SCUBE3: variants seen among roughly 807,000 people sequenced by gnomAD.
SCUBE3 encodes signal peptide, CUB domain and EGF like domain containing 3, also known as signal peptide, CUB and EGF-like domain-containing protein 3.
In SCUBE3, 33 loss-of-function variants were observed where a neutral mutation model predicts 116.8. The ratio of observed to expected loss-of-function variants is 0.28; its 90% confidence interval spans 0.21 to 0.38. The LOEUF is 0.38. Among genes scored for constraint, SCUBE3 ranks in the 10% least tolerant of loss-of-function variants. SCUBE3 has a pLI of 1.00. For synonymous variants in SCUBE3, 418 were observed against 496.9 expected (o/e 0.84, Z 2.11); for missense variants, 1,007 against 1,324.8 (o/e 0.76, Z 3.72).
At chr6:35,217,454 T>C (rs1782966169) in intron 1 of SCUBE3, among the ~76,000 whole-genome samples, 1 of 151,526 alleles carries the variant, frequency 6.6e-6, no homozygotes, top group Non-Finnish European at 1.5e-5. Flanking sequence ...GTCATGCATT[T>C]AGAATTTCCA....
At position 35,240,231 on chromosome 6, in the gene SCUBE3, A is replaced by C; in HGVS notation, c.953-143A>C. 1 of 551,470 alleles carries C rather than the reference A, an allele frequency of 1.8e-6. No homozygotes were observed. The highest frequency in any genetic ancestry group is 3.2e-6 in the Non-Finnish European group (1 of 314,502). The allele number at this position is 551,470 out of a possible 1,614,324, so 34.2% of individuals were successfully genotyped here. ...CAGAGAAGATGGAATGGCATTGTTA[A>C]ATCACTGGTCCTAGAGCTAGGACAT... On this transcript the variant is annotated intron_variant, in intron 8 of 21. Coordinates refer to ENST00000274938, the MANE Select transcript of SCUBE3 (RefSeq NM_152753.4). The surrounding 1 kb of genome is among the most constrained non-coding windows in gnomAD (Gnocchi z 4.6).
rs1784459070 is a variant in SCUBE3, at chr6:35,248,951, G to C, written c.*246G>C. ...TACCTAGAAAAGCCATTCAGTACTGGCTCTAGTCCCCGTGAGATGTAAAGA... is the reference window on the plus strand; with the variant it reads ...TACCTAGAAAAGCCATTCAGTACTGCCTCTAGTCCCCGTGAGATGTAAAGA... On this transcript the variant is annotated 3_prime_UTR_variant, in exon 22 of 22. Coordinates refer to ENST00000274938, the MANE Select transcript of SCUBE3 (RefSeq NM_152753.4). The C allele has an allele frequency of 1.9e-6, 1 of 517,398 alleles. No individual in the cohort carries two copies. Among genetic ancestry groups the C allele is most frequent in the Non-Finnish European group, 3.4e-6 (1 of 291,516 alleles). 32.1% of individuals were successfully genotyped at this position (517,398 alleles called of 1,614,324 possible). A position where few individuals can be genotyped will look rare whatever the true frequency, so the allele number is the denominator to read the frequency against.
In SCUBE3 at chr6:35,239,718, G is replaced by A. The variant is rs766725238; in HGVS notation, c.830-34G>A. 50 of 1,602,126 alleles carry A rather than the reference G, an allele frequency of 3.1e-5. No individual in the cohort carries two copies. The highest frequency in any genetic ancestry group is 4.2e-5 in the Non-Finnish European group (49 of 1,174,398). Reference sequence around the variant, plus strand: ...CCTTGTTTGTTCTCAGCCTTTGATAGTATCTTTTATCCTGTTTTGTCCTCC... The same window carrying A: ...CCTTGTTTGTTCTCAGCCTTTGATAATATCTTTTATCCTGTTTTGTCCTCC... On this transcript the variant is annotated intron_variant, in intron 7 of 21. Coordinates refer to ENST00000274938, the MANE Select transcript of SCUBE3 (RefSeq NM_152753.4). This position sits in a 1 kb window ranked among gnomAD's most constrained non-coding sequence, Gnocchi z 4.1.
chr6:35,227,862 G>T (rs941512661), intron 2 of SCUBE3, among the ~76,000 whole-genome samples, 160 bp downstream of exon 2: 1 of 152,106 alleles, frequency 6.6e-6, no homozygotes, highest in African/African-American at 2.4e-5. Context: ...TCCCAGAGAG[G>T]GTGCCATTTT....
At position 35,235,115 on chromosome 6, in the gene SCUBE3, T is replaced by G. The variant is rs896159096; in HGVS notation, c.712+1814T>G. Among the ~76,000 whole-genome samples, 3 of 152,072 alleles carry G rather than the reference T, an allele frequency of 2.0e-5. No individual in the cohort carries two copies. Among genetic ancestry groups the G allele is most frequent in the African/African-American group, 7.2e-5 (3 of 41,406 alleles). On this transcript the variant is annotated intron_variant, in intron 6 of 21. Transcript: ENST00000274938. This position sits in a 1 kb window ranked among gnomAD's most constrained non-coding sequence, Gnocchi z 4.5. ...AGTTTAGCAGAAAGGGCGGCACCCTTTGGGATTTGGGATTTTGTGGTTAGT... is the reference window on the plus strand; with the variant it reads ...AGTTTAGCAGAAAGGGCGGCACCCTGTGGGATTTGGGATTTTGTGGTTAGT...
Position 35,237,925 on chromosome 6 carries a change from G to A in SCUBE3, c.736G>A (p.Gly246Ser). The part of the protein sequence containing the change: ...CIETCAVNNG[G>S]CDSKCHDAAT... ...AGAGACCTGTGCTGTCAACAACGGG[G>A]GCTGTGACAGTAAGTGCCATGATGC... is the stretch of plus-strand genomic sequence containing the variant. Residue 246 changes from glycine to serine, a missense_variant, in exon 7 of 22, where the codon GGC (glycine) becomes AGC (serine). Transcript: ENST00000274938. 6.2e-7 allele frequency: 1 copy of A among 1,612,224 alleles called. No homozygotes were observed. Among genetic ancestry groups the A allele is most frequent in the South Asian group, 1.1e-5 (1 of 90,974 alleles).
rs1784153986 is a variant in SCUBE3, at chr6:35,243,179, C to T, written c.1852C>T (p.Arg618Ter). The change falls in exon 15 of 22, where the codon CGA (arginine) becomes TGA (stop). Residue 618 changes from arginine to a stop codon, truncating the protein, a stop_gained. Coordinates refer to ENST00000274938, the MANE Select transcript of SCUBE3 (RefSeq NM_152753.4). LOFTEE classifies it high-confidence loss of function. The surrounding 1 kb of genome is among the most constrained non-coding windows in gnomAD (Gnocchi z 6.6). ...AHKPGLVAGE[R>*]AEPMESCRPG... ...CAAGCCGGGCCTGGTAGCCGGGGAG[C>T]GAGCAGAGCCGATGGAGTCCTGTAG... The T allele has an allele frequency of 1.9e-6, 3 of 1,614,058 alleles. No homozygotes were observed. The highest frequency in any genetic ancestry group is 1.7e-5 in the Admixed American group (1 of 60,010).
chr6:35,244,716 C>T lies in SCUBE3; in HGVS notation c.2306C>T (p.Ser769Phe). The T allele has an allele frequency of 6.2e-7, 1 of 1,614,092 alleles. No individual in the cohort carries two copies. The highest frequency in any genetic ancestry group is 1.1e-5 in the South Asian group (1 of 91,068). Residue 769 changes from serine (S) to phenylalanine (F), a missense_variant, in exon 18 of 22, where the codon TCC becomes TTC. Physicochemically the swap from Ser to Phe is radical, Grantham distance 155 (BLOSUM62 -2). Around this residue, in one of 5 missense-constraint regions of SCUBE3, gnomAD observed 544 missense variants for 638.9 expected, o/e 0.85. Transcript: ENST00000274938. This position sits in a 1 kb window ranked among gnomAD's most constrained non-coding sequence, Gnocchi z 4.3. ...IHRCIRCAMG[S>F]YQPDFRQNFC... ...CGCTGTATTCGCTGTGCCATGGGCT[C>T]CTATCAGCCCGACTTCCGTCAGAAC...
chr6:35,231,902 G>A lies in SCUBE3; in HGVS notation c.469+43G>A. ...GATGGCCCCATCCCTGCCCTCCCCA[G>A]GCTTCTCTTCCCAGCTGTCCCTCAG... On this transcript the variant is annotated intron_variant, in intron 4 of 21. Coordinates refer to ENST00000274938, the MANE Select transcript of SCUBE3 (RefSeq NM_152753.4). This position sits in a 1 kb window ranked among gnomAD's most constrained non-coding sequence, Gnocchi z 4.2. 2 of 1,560,342 alleles carry A rather than the reference G, an allele frequency of 1.3e-6. No individual in the cohort carries two copies. Among genetic ancestry groups the A allele is most frequent in the Non-Finnish European group, 1.8e-6 (2 of 1,141,650 alleles).
At chr6:35,242,550 G>T in intron 13 of SCUBE3, 72 bp from the exon 14 acceptor site, 1 of 1,340,818 alleles carries the variant, frequency 7.5e-7, no homozygotes. Flanking sequence ...AGAGATCTGG[G>T]GAGGTCTGTC....
chr6:35,244,908 G>T lies in SCUBE3; in HGVS notation c.2401+97G>T. On this transcript the variant is annotated intron_variant, in intron 18 of 21. Coordinates refer to ENST00000274938, the MANE Select transcript of SCUBE3 (RefSeq NM_152753.4). This position sits in a 1 kb window ranked among gnomAD's most constrained non-coding sequence, Gnocchi z 4.3. ...GTGAAACCAACAGGGAGCAGGGCTG[G>T]GGGGTGGAGGAGCAGGAAAACTCCA... is the stretch of plus-strand genomic sequence containing the variant. 8.1e-7 allele frequency: 1 copy of T among 1,239,554 alleles called. No homozygotes were observed. Among genetic ancestry groups the T allele is most frequent in the Non-Finnish European group, 1.2e-6 (1 of 867,592 alleles). 76.8% of individuals were successfully genotyped at this position (1,239,554 alleles called of 1,614,324 possible).
At chr6:35,223,902 A>C (rs1274272663) in intron 1 of SCUBE3, 1 of 152,184 alleles carries the variant, frequency 6.6e-6, no homozygotes, top group Non-Finnish European at 1.5e-5. Context: ...ACTCCAACCA[A>C]ACATTGAAGG....
Position 35,231,046 on chromosome 6 carries a change from T to C in SCUBE3, c.335-679T>C, listed in dbSNP as rs1002577927. On this transcript the variant is annotated intron_variant, in intron 3 of 21. Transcript: ENST00000274938. The surrounding 1 kb of genome is among the most constrained non-coding windows in gnomAD (Gnocchi z 4.2). ...CACCCCCACCATCTAGGGTGTGGCC[T>C]GGCAGCTCTCCCCAGATCCCTCCCC... is the stretch of plus-strand genomic sequence containing the variant. 6.6e-6 allele frequency among the ~76,000 whole-genome samples: 1 copy of C among 151,650 alleles called. No individual in the cohort carries two copies. The highest frequency in any genetic ancestry group is 6.6e-5 in the Admixed American group (1 of 15,242).
rs1783526552 is a variant in SCUBE3 at position 35,231,018 on chromosome 6, C to G, written c.335-707C>G. Reference sequence around the variant, plus strand: ...GTGAGAGCCTACTGTTCTCCCTGCCCCCCACCCCCACCATCTAGGGTGTGG... The same window carrying G: ...GTGAGAGCCTACTGTTCTCCCTGCCGCCCACCCCCACCATCTAGGGTGTGG... On this transcript the variant is annotated intron_variant, in intron 3 of 21. Coordinates refer to ENST00000274938, the MANE Select transcript of SCUBE3 (RefSeq NM_152753.4). The surrounding 1 kb of genome is among the most constrained non-coding windows in gnomAD (Gnocchi z 4.2). Among the ~76,000 whole-genome samples the G allele has an allele frequency of 6.6e-6, 1 of 152,116 alleles. No homozygotes were observed. The highest frequency in any genetic ancestry group is 6.5e-5 in the Admixed American group (1 of 15,280).
intron 6 of SCUBE3, among the ~76,000 whole-genome samples, chr6:35,237,120 T>C (rs970120225): frequency 2.0e-5 from 3 of 152,184 alleles, no homozygotes; most frequent in Non-Finnish European, 2.9e-5. Flanking sequence ...CTCTAACTCT[T>C]TCACTAACCT....
chr6:35,219,044 A>T lies in SCUBE3; in HGVS notation c.85+4541A>T, dbSNP rs546308917. ...CGGGCCTCCACAGGTTACTCACCCA[A>T]ATCTCAGGCGCTCTCCTCCTTGGAT... On this transcript the variant is annotated intron_variant, in intron 1 of 21. Coordinates refer to ENST00000274938, the MANE Select transcript of SCUBE3 (RefSeq NM_152753.4). The surrounding 1 kb of genome is among the most constrained non-coding windows in gnomAD (Gnocchi z 4.7). Among the ~76,000 whole-genome samples the T allele has an allele frequency of 6.6e-6, 1 of 152,112 alleles. No individual in the cohort carries two copies. Among genetic ancestry groups the T allele is most frequent in the African/African-American group, 2.4e-5 (1 of 41,398 alleles).
rs972992307 is a variant in SCUBE3 at position 35,214,300 on chromosome 6, C to A, written c.-119C>A. 26 of 471,676 alleles carry A rather than the reference C, an allele frequency of 5.5e-5. No homozygotes were observed. Among genetic ancestry groups the A allele is most frequent in the Non-Finnish European group, 7.7e-5 (23 of 298,162 alleles). 29.2% of individuals were successfully genotyped at this position (471,676 alleles called of 1,614,324 possible). A position where few individuals can be genotyped will look rare whatever the true frequency, so the allele number is the denominator to read the frequency against. On this transcript the variant is annotated 5_prime_UTR_variant, in exon 1 of 22. Transcript: ENST00000274938. The surrounding 1 kb of genome is among the most constrained non-coding windows in gnomAD (Gnocchi z 6.3). ...CGCGCCCCGCGACTGCAGCCCCCGG[C>A]CTGGCCCCGGCGGGGCGCCCCCTCC...
chr6:35,236,119 G>T (rs1252361726), intron 6 of SCUBE3, among the ~76,000 whole-genome samples: 1 of 152,148 alleles, frequency 6.6e-6, no homozygotes, highest in Non-Finnish European at 1.5e-5. Flanking sequence ...CCTTCCTTAG[G>T]GTTGTAATGC....
chr6:35,248,472 A>G, intron 21 of SCUBE3, 84 bp from the exon 22 acceptor site: 2 of 1,349,694 alleles, frequency 1.5e-6, no homozygotes, highest in Middle Eastern at 1.9e-4. Flanking sequence ...CCTAGTAGAC[A>G]TCAAGAAGGG....
Sources: gnomAD v4.1 joint callset for allele counts (sites outside exome capture counted in the v4.1 genomes callset) on GRCh38, gnomAD v4.1.1 for gene constraint, gnomAD v4.1.1 regional missense constraint, Gnocchi (gnomAD v3.1) non-coding constraint, MANE v1.5 for transcripts, NCBI Gene and HGNC (gene_info 2026-07-23, HGNC 2026-07-21) for gene names.